Variants in TMEM116 observed in about 807,000 individuals in gnomAD.
TMEM116 encodes the protein transmembrane protein 116.
A neutral mutation model predicts 44.3 loss-of-function variants in TMEM116; 38 were observed. The observed-to-expected ratio is 0.86, with a 90% confidence interval of 0.66 to 1.12. The LOEUF is 1.12. TMEM116 is among the 50% of genes most tolerant of loss of function. The probability of loss-of-function intolerance (pLI) is 0.00; values close to 1 mark genes in which losing one functional copy is unlikely to be tolerated. For missense variants in TMEM116, 354 were observed against 401.7 expected (o/e 0.88, Z 1.01); for synonymous variants, 132 against 144.8 (o/e 0.91, Z 0.64).
chr12:111,945,698 T>C (rs1397564186), intron 4 of TMEM116, among the ~76,000 whole-genome samples: 1 of 152,190 alleles, frequency 6.6e-6, no homozygotes, highest in Non-Finnish European at 1.5e-5. Flanking sequence ...AATGACTACC[T>C]TGCATAAAGA....
At chr12:111,936,920 T>C (rs1226271909) in intron 7 of TMEM116, 90 bp from the exon 8 acceptor site, 4 of 1,413,022 alleles carry the variant, frequency 2.8e-6, no homozygotes, top group Non-Finnish European at 3.8e-6. Context: ...ATTTTACTTA[T>C]CATTTTGCTA....
Position 111,943,264 on chromosome 12 carries a change from C to A in TMEM116, c.315+1G>T, listed in dbSNP as rs369585456. ...AACTATCAGCCCTGAATAAAACTTACCAGTGGAGATGTGCTCTGTCCACTC... is the reference window on the plus strand; with the variant it reads ...AACTATCAGCCCTGAATAAAACTTAACAGTGGAGATGTGCTCTGTCCACTC... On this transcript the variant is annotated splice_donor_variant, in intron 5 of 10. Coordinates refer to ENST00000552374, the MANE Select transcript of TMEM116 (RefSeq NM_001193531.2). LOFTEE classifies it high-confidence loss of function. 1.6e-5 allele frequency: 25 copies of A among 1,608,180 alleles called. No homozygotes were observed. Among genetic ancestry groups the A allele is most frequent in the Non-Finnish European group, 2.0e-5 (23 of 1,174,752 alleles).
intron 4 of TMEM116, among the ~76,000 whole-genome samples, chr12:111,962,075 A>G (rs978172707): frequency 6.6e-6 from 1 of 152,214 alleles, no homozygotes; most frequent in Non-Finnish European, 1.5e-5. Flanking sequence ...AATTGCTACA[A>G]AAGGAATTAA....
At chr12:112,008,254 G>A (rs1229470809) in intron 1 of TMEM116, among the ~76,000 whole-genome samples, 3 of 152,174 alleles carry the variant, frequency 2.0e-5, no homozygotes, top group South Asian at 2.1e-4. Context: ...AGGCCGAGGC[G>A]TGTGGATCAC....
At chr12:111,982,968 T>C (rs1426923292) in intron 4 of TMEM116, among the ~76,000 whole-genome samples, 4 of 152,152 alleles carry the variant, frequency 2.6e-5, no homozygotes, top group Non-Finnish European at 5.9e-5. Context: ...GTGACTACAT[T>C]AGGCAAAGAA....
At chr12:111,991,533 A>G (rs1433132868) in intron 4 of TMEM116, among the ~76,000 whole-genome samples, 4 of 152,064 alleles carry the variant, frequency 2.6e-5, no homozygotes, top group African/African-American at 9.7e-5. Context: ...AGAAAAAAAA[A>G]AAAAAAAATT....
At chr12:111,968,774 C>A (rs2075130145) in intron 4 of TMEM116, among the ~76,000 whole-genome samples, 1 of 151,726 alleles carries the variant, frequency 6.6e-6, no homozygotes, top group African/African-American at 2.4e-5. Context: ...AGGTGGATCA[C>A]CTGAGGTCAG....
intron 5 of TMEM116, among the ~76,000 whole-genome samples, chr12:111,942,341 C>A (rs1308736927): frequency 3.3e-5 from 5 of 151,546 alleles, no homozygotes; most frequent in Non-Finnish European, 7.4e-5. Context: ...GGCATGATCT[C>A]GGCTCACTGC....
At chr12:111,976,795 A>G (rs544408397) in intron 4 of TMEM116, among the ~76,000 whole-genome samples, 1 of 152,346 alleles carries the variant, frequency 6.6e-6, no homozygotes, top group Non-Finnish European at 1.5e-5. Flanking sequence ...AAAAGGAAAC[A>G]TTAAACGTCA....
At chr12:111,945,140 C>T (rs1201099730) in intron 4 of TMEM116, among the ~76,000 whole-genome samples, 4 of 146,172 alleles carry the variant, frequency 2.7e-5, no homozygotes, top group East Asian at 2.0e-4. Flanking sequence ...GTCAGGAGTT[C>T]GAGACCAGCC....
chr12:111,992,163 T>A (rs566346456), intron 3 of TMEM116, among the ~76,000 whole-genome samples: 1 of 152,148 alleles, frequency 6.6e-6, no homozygotes, highest in African/African-American at 2.4e-5. Context: ...ACTCCTTTCT[T>A]AGGTATAGGG....
chr12:111,964,418 G>A (rs962981451), intron 4 of TMEM116, among the ~76,000 whole-genome samples: 1 of 148,272 alleles, frequency 6.7e-6, no homozygotes, highest in Non-Finnish European at 1.5e-5. Flanking sequence ...CTCCAGCCTG[G>A]CAACAGACAG....
At chr12:111,933,442 G>T (rs920378233) in intron 9 of TMEM116, among the ~76,000 whole-genome samples, 6 of 151,428 alleles carry the variant, frequency 4.0e-5, no homozygotes, top group Non-Finnish European at 8.8e-5. Flanking sequence ...ATATGGGTAG[G>T]GCCCATACAA....
At chr12:111,989,002 A>C (rs1005458868) in intron 4 of TMEM116, among the ~76,000 whole-genome samples, 1 of 147,744 alleles carries the variant, frequency 6.8e-6, no homozygotes, top group Admixed American at 6.6e-5. Flanking sequence ...AAAAACAAAA[A>C]CAAAACAAAA....
intron 3 of TMEM116, among the ~76,000 whole-genome samples, chr12:111,997,568 AAAAC>A (rs1486623406): frequency 1.3e-4 from 20 of 152,200 alleles, no homozygotes; most frequent in African/African-American, 2.2e-4. Context: ...AAAAAAAACA[AAAAC>A]AAACAAACAA....
At chr12:111,958,219 C>T in intron 4 of TMEM116, among the ~76,000 whole-genome samples, 1 of 143,438 alleles carries the variant, frequency 7.0e-6, no homozygotes, top group South Asian at 2.3e-4. Flanking sequence ...CCACTATTGT[C>T]CTATGACCCT....
intron 3 of TMEM116, among the ~76,000 whole-genome samples, chr12:111,997,046 T>C (rs2076968280): frequency 6.6e-6 from 1 of 152,168 alleles, no homozygotes. Flanking sequence ...AAAAAATGCT[T>C]ATCACAAAAA....
At chr12:112,009,993 T>C (rs1457567469) in intron 1 of TMEM116, among the ~76,000 whole-genome samples, 1 of 152,202 alleles carries the variant, frequency 6.6e-6, no homozygotes, top group Non-Finnish European at 1.5e-5. Flanking sequence ...TAAAGAAATT[T>C]TAAAACTCTT....
intron 4 of TMEM116, among the ~76,000 whole-genome samples, chr12:111,956,771 T>C (rs1285785164): frequency 6.6e-6 from 1 of 152,176 alleles, no homozygotes; most frequent in African/African-American, 2.4e-5. Flanking sequence ...AGCCTCGGCC[T>C]CCTGAAGTGC....
Sources: gnomAD v4.1 joint callset for allele counts (sites outside exome capture counted in the v4.1 genomes callset) on GRCh38, gnomAD v4.1.1 for gene constraint, MANE v1.5 for transcripts, NCBI Gene and HGNC (gene_info 2026-07-23, HGNC 2026-07-21) for gene names.